FBXL13: variants seen among roughly 807,000 people sequenced by gnomAD.
FBXL13 encodes the protein F-box and leucine rich repeat protein 13.
Under a neutral mutation model 83.6 loss-of-function variants are expected in FBXL13, and 67 were observed. The observed-to-expected ratio is 0.80, with a 90% CI of 0.66 to 0.98. The LOEUF (loss-of-function observed/expected upper bound fraction) is 0.98. FBXL13 is among the 50% of genes least tolerant of loss of function. FBXL13 has a pLI of 0.00. For synonymous variants in FBXL13, 272 were observed against 299.5 expected (o/e 0.91, Z 0.95); for missense variants, 822 against 866.5 (o/e 0.95, Z 0.64).
chr7:102,812,938 G>T (rs1797528962), downstream of FBXL13, among the ~76,000 whole-genome samples: 4 of 151,398 alleles, frequency 2.6e-5, no homozygotes, highest in South Asian at 8.3e-4. Flanking sequence ...CGCCTCTCAG[G>T]TTCAAGCAAG....
intron 8 of FBXL13, among the ~76,000 whole-genome samples, chr7:102,959,854 T>C (rs890542571): frequency 3.9e-5 from 6 of 152,100 alleles, no homozygotes; most frequent in African/African-American, 9.7e-5. Context: ...ATCTATAACA[T>C]AGAAAATAAT....
chr7:102,937,214 G>A (rs1039171105), intron 8 of FBXL13, among the ~76,000 whole-genome samples: 1 of 151,856 alleles, frequency 6.6e-6, no homozygotes, highest in African/African-American at 2.4e-5. Flanking sequence ...TAAGACGAAG[G>A]GTAGGCCAGG....
intron 1 of FBXL13, among the ~76,000 whole-genome samples, chr7:103,059,219 A>C (rs1346090539): frequency 6.6e-6 from 1 of 152,226 alleles, no homozygotes; most frequent in African/African-American, 2.4e-5. Flanking sequence ...TCAAGGCTGC[A>C]GTGAGTTATT....
At chr7:102,895,813 T>G (rs1190107391) in intron 11 of FBXL13, among the ~76,000 whole-genome samples, 1 of 152,238 alleles carries the variant, frequency 6.6e-6, no homozygotes, top group Admixed American at 6.5e-5. Context: ...ATTAAAACTC[T>G]TTCTCCTACT....
chr7:102,988,936 G>T (rs1829283577), intron 6 of FBXL13: 1 of 152,214 alleles, frequency 6.6e-6, no homozygotes, highest in Non-Finnish European at 1.5e-5. Context: ...ATAAGGGTAT[G>T]AAGAGATCCA....
chr7:103,060,413 G>C (rs1797794587), intron 1 of FBXL13, among the ~76,000 whole-genome samples: 1 of 151,906 alleles, frequency 6.6e-6, no homozygotes, highest in South Asian at 2.1e-4. Flanking sequence ...GAAAACACTT[G>C]GACATAGAGA....
At chr7:102,828,827 G>A (rs1800166692) in intron 18 of FBXL13, among the ~76,000 whole-genome samples, 1 of 152,148 alleles carries the variant, frequency 6.6e-6, no homozygotes, top group African/African-American at 2.4e-5. Flanking sequence ...CTGAGCCTGG[G>A]GCCTTAGGGG....
chr7:102,829,354 G>C (rs1800257193), intron 18 of FBXL13, among the ~76,000 whole-genome samples: 1 of 152,200 alleles, frequency 6.6e-6, no homozygotes, highest in African/African-American at 2.4e-5. Flanking sequence ...CAGTGGACCT[G>C]CTTCACATCA....
chr7:103,025,951 A>G (rs1010464825), intron 5 of FBXL13, among the ~76,000 whole-genome samples: 4 of 151,524 alleles, frequency 2.6e-5, no homozygotes, highest in African/African-American at 9.7e-5. Flanking sequence ...TCATATATCT[A>G]GAAAAAAAGT....
intron 8 of FBXL13, among the ~76,000 whole-genome samples, chr7:102,942,776 A>G (rs898429123): frequency 6.6e-6 from 1 of 152,218 alleles, no homozygotes; most frequent in African/African-American, 2.4e-5. Context: ...AACAGATAAT[A>G]TGAAAATAGT....
chr7:102,854,787 T>A, exon 17 of FBXL13: 5 of 1,577,182 alleles, frequency 3.2e-6, no homozygotes, highest in Non-Finnish European at 2.6e-6. Flanking sequence ...CTGAATTCCA[T>A]CATCAGTGAT....
intron 18 of FBXL13, among the ~76,000 whole-genome samples, chr7:102,827,674 C>T (rs1449192952): frequency 1.3e-5 from 2 of 151,996 alleles, no homozygotes; most frequent in African/African-American, 4.8e-5. Flanking sequence ...TATTCCTCCC[C>T]CCTCCCGCCA....
intron 14 of FBXL13, among the ~76,000 whole-genome samples, chr7:102,882,276 A>G (rs548841701): frequency 1.7e-4 from 26 of 152,134 alleles, no homozygotes; most frequent in Non-Finnish European, 3.4e-4. Context: ...ATAAATAAAT[A>G]AAAGATTTTG....
intron 6 of FBXL13, among the ~76,000 whole-genome samples, chr7:102,998,156 T>A (rs553214259): frequency 6.6e-6 from 1 of 152,252 alleles, no homozygotes; most frequent in Non-Finnish European, 1.5e-5. Context: ...ATGTTGAACA[T>A]GTTTTCATAT....
chr7:102,978,122 AACT>A (rs1648368045), intron 6 of FBXL13, among the ~76,000 whole-genome samples: 1 of 152,180 alleles, frequency 6.6e-6, no homozygotes, highest in Non-Finnish European at 1.5e-5. Flanking sequence ...AAGAAAAAGA[AACT>A]ACAATTAACT....
At chr7:102,888,321 G>A (rs1164436613) in intron 11 of FBXL13, among the ~76,000 whole-genome samples, 1 of 152,186 alleles carries the variant, frequency 6.6e-6, no homozygotes, top group Non-Finnish European at 1.5e-5. Flanking sequence ...GGCAGATCAC[G>A]AGGTCAGGAG....
chr7:102,896,158 T>C (rs531095527), intron 11 of FBXL13, among the ~76,000 whole-genome samples: 1 of 152,306 alleles, frequency 6.6e-6, no homozygotes, highest in African/African-American at 2.4e-5. Context: ...ATGAGACAGA[T>C]TTCTCAGGGC....
At chr7:103,050,351 C>T (rs931165258) in intron 2 of FBXL13, among the ~76,000 whole-genome samples, 2 of 152,216 alleles carry the variant, frequency 1.3e-5, no homozygotes, top group Admixed American at 6.5e-5. Context: ...GCAGCCCTAG[C>T]GTCCCAGCTT....
In FBXL13 at chr7:103,038,604, G is replaced by A. The variant is rs7799522; in HGVS notation, c.1-9186C>T. Among the ~76,000 whole-genome samples, 325 of 152,302 alleles carry A rather than the reference G, an allele frequency of 2.1e-3. 2 individuals are homozygous for A. Among genetic ancestry groups the A allele is most frequent in the Non-Finnish European group, 1.9e-3 (132 of 68,030 alleles). ...AAACAGGCGGGTGCCCCTCTGGGAC[G>A]AAGCTTCCAGAGGAAGGATCAGGCA... On this transcript the variant is annotated intron_variant, in intron 2 of 19. Coordinates refer to ENST00000313221, the Ensembl canonical transcript of FBXL13.
Sources: allele counts gnomAD v4.1 joint callset (sites outside exome capture counted in the v4.1 genomes callset), GRCh38; gene constraint gnomAD v4.1.1; transcripts MANE v1.5; gene names NCBI Gene and HGNC (gene_info 2026-07-23, HGNC 2026-07-21).